The following NRXN3 variants were observed in gnomAD, a reference collection of about 807,000 sequenced individuals.
NRXN3 encodes the protein neurexin III.
A neutral mutation model predicts 137.6 loss-of-function variants in NRXN3; 32 were observed. That is an observed-to-expected ratio of 0.23 (90% confidence interval 0.18 to 0.31). The LOEUF (loss-of-function observed/expected upper bound fraction) is 0.31. Among genes scored for constraint, NRXN3 ranks in the 10% least tolerant of loss-of-function variants. NRXN3 has a pLI of 1.00. For synonymous variants in NRXN3, 798 were observed against 784.5 expected (o/e 1.02, Z -0.29); for missense variants, 1,574 against 2,062.5 (o/e 0.76, Z 4.59).
chr14:78,894,063 C>T lies in NRXN3; in HGVS notation c.2276-63179C>T, dbSNP rs551494005. The stretch of plus-strand genomic sequence containing the variant: ...GTGAAGGGTCTTGCCTTGATATTGA[C>T]GGCTGCTCACTGATCAGGGTAGTGG... On this transcript the variant is annotated intron_variant, in intron 10 of 20. Transcript: ENST00000335750. Among the ~76,000 whole-genome samples, 76 of 152,012 alleles carry T rather than the reference C, an allele frequency of 5.0e-4. 1 individual carries two copies. The highest frequency in any genetic ancestry group is 1.9e-4 in the Non-Finnish European group (13 of 67,898).
At chr14:78,846,776 C>G (rs1221850354) in intron 10 of NRXN3, among the ~76,000 whole-genome samples, 2 of 152,080 alleles carry the variant, frequency 1.3e-5, no homozygotes, top group African/African-American at 4.8e-5. Context: ...CAAAGTCTCC[C>G]TTGCTACTTC....
chr14:79,304,903 A>G (rs563798742), intron 15 of NRXN3, among the ~76,000 whole-genome samples: 6 of 152,162 alleles, frequency 3.9e-5, no homozygotes, highest in Non-Finnish European at 7.4e-5. Flanking sequence ...CTAAAGGCAA[A>G]CATGTATATG....
chr14:79,496,669 G>A (rs1355189316), intron 16 of NRXN3, among the ~76,000 whole-genome samples: 1 of 152,182 alleles, frequency 6.6e-6, no homozygotes, highest in Admixed American at 6.5e-5. Context: ...TAATCTAAAT[G>A]TTGATTTTGG....
intron 15 of NRXN3, among the ~76,000 whole-genome samples, chr14:79,448,364 T>A (rs1016766936): frequency 1.3e-5 from 2 of 152,182 alleles, no homozygotes; most frequent in Non-Finnish European, 2.9e-5. Context: ...TTATTAGCCC[T>A]TGAAATTCCC....
At chr14:78,545,435 A>C (rs1345279547) in intron 4 of NRXN3, among the ~76,000 whole-genome samples, 1 of 151,764 alleles carries the variant, frequency 6.6e-6, no homozygotes, top group Non-Finnish European at 1.5e-5. Context: ...CTTTTTGTCC[A>C]TGTTGGTCCC....
chr14:79,388,167 C>T (rs888548351), intron 15 of NRXN3, among the ~76,000 whole-genome samples: 2 of 151,802 alleles, frequency 1.3e-5, no homozygotes, highest in African/African-American at 4.8e-5. Flanking sequence ...TCTCTTGCTC[C>T]TCCTCTTGTC....
At chr14:79,437,220 A>G (rs142750454) in intron 15 of NRXN3, among the ~76,000 whole-genome samples, 2 of 151,888 alleles carry the variant, frequency 1.3e-5, no homozygotes, top group Non-Finnish European at 2.9e-5. Flanking sequence ...ATGGTGTTTT[A>G]TACCTCAGCG....
intron 16 of NRXN3, among the ~76,000 whole-genome samples, chr14:79,602,393 A>G (rs1332507168): frequency 6.6e-6 from 1 of 152,236 alleles, no homozygotes; most frequent in Non-Finnish European, 1.5e-5. Flanking sequence ...TTTGAATTAA[A>G]AAGTGCTCAC....
In NRXN3 at chr14:78,514,292, T is replaced by C. The variant is rs117273705; in HGVS notation, c.758-130828T>C. Among the ~76,000 whole-genome samples, 573 of 152,190 alleles carry C rather than the reference T, an allele frequency of 3.8e-3. 10 individuals carry two copies. The highest frequency in any genetic ancestry group is 0.036 in the East Asian group (185 of 5,168). ...GGAAACTAGAGAAAGAAAAAGACAC[T>C]TTGGGATGGAGAGGTTAGGGAAGAT... On this transcript the variant is annotated intron_variant, in intron 4 of 20. Coordinates refer to ENST00000335750, the MANE Select transcript of NRXN3 (RefSeq NM_001330195.2).
At chr14:78,830,840 T>G (rs960177414) in intron 10 of NRXN3, among the ~76,000 whole-genome samples, 1 of 152,184 alleles carries the variant, frequency 6.6e-6, no homozygotes, top group African/African-American at 2.4e-5. Context: ...GAGTTTCCAT[T>G]TTATATGCCA....
At chr14:79,738,933 T>C (rs1315677135) in intron 19 of NRXN3, among the ~76,000 whole-genome samples, 1 of 152,186 alleles carries the variant, frequency 6.6e-6, no homozygotes, top group Non-Finnish European at 1.5e-5. Flanking sequence ...ACAATACTTG[T>C]GCCAACTTAA....
chr14:78,824,906 C>G (rs964633301), intron 10 of NRXN3, among the ~76,000 whole-genome samples: 4 of 151,946 alleles, frequency 2.6e-5, no homozygotes, highest in African/African-American at 7.3e-5. Context: ...ATGCCTGTAT[C>G]AAAATATTTC....
At chr14:78,523,703 G>A (rs890929775) in intron 4 of NRXN3, among the ~76,000 whole-genome samples, 1 of 146,522 alleles carries the variant, frequency 6.8e-6, no homozygotes, top group Non-Finnish European at 1.5e-5. Context: ...TATAGTCCCA[G>A]CTACTTGGGA....
intron 15 of NRXN3, among the ~76,000 whole-genome samples, chr14:79,057,529 C>T (rs2099667350): frequency 6.6e-6 from 1 of 152,122 alleles, no homozygotes; most frequent in Admixed American, 6.5e-5. Context: ...TCCAGAGTCA[C>T]AGCATGAGGG....
chr14:79,361,850 A>C (rs962666014), intron 15 of NRXN3, among the ~76,000 whole-genome samples: 1 of 152,124 alleles, frequency 6.6e-6, no homozygotes, highest in Non-Finnish European at 1.5e-5. Flanking sequence ...ATACAGGAGA[A>C]TGGAATGGGA....
In NRXN3 at chr14:78,437,747, T is replaced by C. The variant is rs571816086; in HGVS notation, c.757+139887T>C. On this transcript the variant is annotated intron_variant, in intron 4 of 20. Transcript: ENST00000335750. The stretch of plus-strand genomic sequence containing the variant: ...TGAAAATATGATTGCCTAGACTCAC[T>C]AAAAACTGTTCAATTAGACTTTTGG... 1.4e-4 allele frequency among the ~76,000 whole-genome samples: 22 copies of C among 152,332 alleles called. No individual in the cohort carries two copies. In the South Asian group the frequency reaches 4.3e-3, roughly 30 times the overall value.
At chr14:79,407,914 G>A (rs891015926) in intron 15 of NRXN3, among the ~76,000 whole-genome samples, 21 of 152,028 alleles carry the variant, frequency 1.4e-4, no homozygotes, top group Non-Finnish European at 2.5e-4. Context: ...TAAAGAATTT[G>A]ATTCACACAC....
At chr14:79,725,178 T>A (rs1203780880) in intron 19 of NRXN3, among the ~76,000 whole-genome samples, 1 of 152,178 alleles carries the variant, frequency 6.6e-6, no homozygotes, top group East Asian at 1.9e-4. Context: ...TTAGAAAAAC[T>A]GTTTTTGGTC....
At chr14:79,086,011 C>T (rs548879420) in intron 15 of NRXN3, among the ~76,000 whole-genome samples, 73 of 152,262 alleles carry the variant, frequency 4.8e-4, no homozygotes, top group African/African-American at 1.7e-3. Context: ...ATTAAGATCC[C>T]TAAGGAACAG....
Sources: allele counts gnomAD v4.1 joint callset (sites outside exome capture counted in the v4.1 genomes callset), GRCh38; gene constraint gnomAD v4.1.1; transcripts MANE v1.5; gene names NCBI Gene and HGNC (gene_info 2026-07-23, HGNC 2026-07-21).